The following VSTM4 variants were observed in gnomAD, a reference collection of about 807,000 sequenced individuals.
VSTM4 encodes V-set and transmembrane domain containing 4.
A neutral mutation model predicts 36.4 loss-of-function variants in VSTM4; 20 were observed. That is an observed-to-expected ratio of 0.55 (90% CI 0.39 to 0.80). VSTM4 has a LOEUF of 0.80. Ranked by LOEUF, VSTM4 falls within the 30% of genes least tolerant of loss-of-function variation. The pLI, the probability that VSTM4 is intolerant of heterozygous loss-of-function variation, is 0.00. For synonymous variants in VSTM4, 182 were observed against 173.9 expected (o/e 1.05, Z -0.37); for missense variants, 392 against 404.5 (o/e 0.97, Z 0.26).
rs78462734 is a variant in VSTM4 at position 49,022,473 on chromosome 10, A to C, written c.838-2698T>G. On this transcript the variant is annotated intron_variant, in intron 7 of 7. Transcript: ENST00000332853. ...GGAAGTAATAGACAAGGAGAGTTAC[A>C]AAGAGTTCTTCAAGCCAGCACCTCT... 2.1e-3 allele frequency among the ~76,000 whole-genome samples: 313 copies of C among 152,310 alleles called. 4 individuals are homozygous for C. The highest frequency in any genetic ancestry group is 7.4e-3 in the African/African-American group (306 of 41,572).
chr10:49,105,163 G>T (rs1344517572), intron 2 of VSTM4, among the ~76,000 whole-genome samples: 2 of 135,912 alleles, frequency 1.5e-5, no homozygotes, highest in African/African-American at 2.6e-5. Flanking sequence ...AAGACAAAGA[G>T]AGAGACAGAA....
Position 49,019,688 on chromosome 10 carries a change from C to G in VSTM4, c.925G>C (p.Val309Leu), listed in dbSNP as rs1314778564. ...RAAKGAPTST[V>L]YAQILFEENK... ...TCCTCGAAGAGGATCTGGGCGTAGA[C>G]AGTGCTGGTGGGGGCGCCTTTGGCA... The change falls in exon 8 of 8, where the codon GTC becomes CTC. Residue 309 changes from valine to leucine, a missense_variant. Transcript: ENST00000332853. 6.2e-7 allele frequency: 1 copy of G among 1,613,988 alleles called. No homozygotes were observed. The highest frequency in any genetic ancestry group is 1.7e-5 in the Admixed American group (1 of 60,006).
chr10:49,108,113 G>T (rs1361315119), intron 1 of VSTM4, 118 bp from the exon 2 acceptor site: 3 of 1,368,796 alleles, frequency 2.2e-6, no homozygotes, highest in East Asian at 5.1e-5. Context: ...TGCTCTGCCT[G>T]GCCAGAGAAG....
intron 7 of VSTM4, among the ~76,000 whole-genome samples, chr10:49,031,107 A>G (rs531867223): frequency 3.3e-5 from 5 of 152,342 alleles, no homozygotes; most frequent in South Asian, 2.1e-4. Context: ...TTGGTTATCT[A>G]CTTCAACATA....
At chr10:49,047,753 C>T (rs1843635689) in intron 6 of VSTM4, among the ~76,000 whole-genome samples, 1 of 152,212 alleles carries the variant, frequency 6.6e-6, no homozygotes. Flanking sequence ...GCCTCACCAA[C>T]AGGCTTCCCC....
intron 5 of VSTM4, chr10:49,064,114 T>A (rs1843929300): frequency 6.6e-6 from 1 of 152,256 alleles, no homozygotes; most frequent in Non-Finnish European, 1.5e-5. Flanking sequence ...CCAAACCAGT[T>A]TACCTTCTTT....
At chr10:49,102,545 G>A in intron 2 of VSTM4, 4 of 985,460 alleles carry the variant, frequency 4.1e-6, no homozygotes, top group Non-Finnish European at 4.8e-6. Flanking sequence ...GAAGCTACAA[G>A]ATGTTGCCAG....
intron 1 of VSTM4, 85 bp from the exon 2 acceptor site, chr10:49,108,080 C>A (rs1844823754): frequency 2.1e-6 from 3 of 1,448,230 alleles, no homozygotes; most frequent in South Asian, 2.8e-5. Context: ...CCAGGAAATG[C>A]CTCCACGCAC....
rs1033432600 is a variant in VSTM4, at chr10:49,016,408, C to T, written c.*3242G>A. The T allele has an allele frequency of 9.9e-5, 15 of 152,180 alleles. No individual in the cohort carries two copies. Among genetic ancestry groups the T allele is most frequent in the African/African-American group, 3.6e-4 (15 of 41,432 alleles). 9.4% of individuals were successfully genotyped at this position (152,180 alleles called of 1,614,324 possible). A position where few individuals can be genotyped will look rare whatever the true frequency, so the allele number is the denominator to read the frequency against. On this transcript the variant is annotated 3_prime_UTR_variant, in exon 8 of 8. Coordinates refer to ENST00000332853, the MANE Select transcript of VSTM4 (RefSeq NM_001031746.5). ...GGCAACAGATAGATATGTGCCATTC[C>T]AGCTTCACTGCCCAAGGCAAAGATG...
intron 1 of VSTM4, among the ~76,000 whole-genome samples, chr10:49,114,585 G>GTTTTTT (rs33942311): frequency 6.3e-5 from 9 of 142,404 alleles, no homozygotes; most frequent in African/African-American, 2.3e-4. Context: ...CCAAGTTCAT[G>GTTTTTT]TTTTTTTTTT....
At chr10:49,108,209 C>T (rs1040277493) in intron 1 of VSTM4, among the ~76,000 whole-genome samples, 1 of 152,218 alleles carries the variant, frequency 6.6e-6, no homozygotes, top group African/African-American at 2.4e-5. Context: ...TGGGACCACC[C>T]TGTCCATGTG....
chr10:49,026,334 G>A (rs1843261044), intron 7 of VSTM4, among the ~76,000 whole-genome samples: 1 of 152,144 alleles, frequency 6.6e-6, no homozygotes, highest in Non-Finnish European at 1.5e-5. Flanking sequence ...ACATTCTGTG[G>A]GGCAAGAGTT....
chr10:49,072,371 C>T (rs1224199545), intron 4 of VSTM4, among the ~76,000 whole-genome samples: 1 of 152,172 alleles, frequency 6.6e-6, no homozygotes, highest in Non-Finnish European at 1.5e-5. Flanking sequence ...CAGCTCAGCA[C>T]CACCAATCCT....
chr10:49,026,492 G>T (rs577556227), intron 7 of VSTM4, among the ~76,000 whole-genome samples: 63 of 152,342 alleles, frequency 4.1e-4, no homozygotes, highest in South Asian at 3.5e-3. Context: ...AAACCAATCT[G>T]TTTCAAGATA....
rs917818757 is a variant in VSTM4, at chr10:49,102,856, T to C, written c.457+4738A>G. 1.6e-5 allele frequency: 10 copies of C among 627,942 alleles called. No homozygotes were observed. The African/African-American group carries it at 1.8e-4, about 11-fold the overall frequency. The allele number at this position is 627,942 out of a possible 1,614,324, so 38.9% of individuals were successfully genotyped here. A position where few individuals can be genotyped will look rare whatever the true frequency, so the allele number is the denominator to read the frequency against. ...TGTTATCATCATCATCCTCAAAAAG[T>C]ATATGATTGTGTTAGTCTGGGATCC... On this transcript the variant is annotated intron_variant, in intron 2 of 7. Coordinates refer to ENST00000332853, the MANE Select transcript of VSTM4 (RefSeq NM_001031746.5).
chr10:49,065,955 T>C (rs1843965688), intron 4 of VSTM4, among the ~76,000 whole-genome samples: 1 of 151,988 alleles, frequency 6.6e-6, no homozygotes, highest in Non-Finnish European at 1.5e-5. Flanking sequence ...AATCTATAGA[T>C]GCAACAATAA....
chr10:49,067,250 CA>C (rs1843990134), intron 4 of VSTM4, among the ~76,000 whole-genome samples: 3 of 152,156 alleles, frequency 2.0e-5, no homozygotes, highest in African/African-American at 7.2e-5. Context: ...ACTATGCAAG[CA>C]AAAAAGTTTG....
At chr10:49,097,005 G>A (rs1844584493) in intron 2 of VSTM4, among the ~76,000 whole-genome samples, 4 of 152,030 alleles carry the variant, frequency 2.6e-5, no homozygotes. Context: ...CTCCCTAAGA[G>A]CAGGAGCCTC....
intron 4 of VSTM4, among the ~76,000 whole-genome samples, chr10:49,065,708 G>A (rs1339547935): frequency 6.6e-6 from 1 of 152,164 alleles, no homozygotes; most frequent in Admixed American, 6.5e-5. Flanking sequence ...CTCCAGCTGA[G>A]ACCAGCAGAA....
Sources: gnomAD v4.1 joint callset for allele counts (sites outside exome capture counted in the v4.1 genomes callset) on GRCh38, gnomAD v4.1.1 for gene constraint, MANE v1.5 for transcripts, NCBI Gene and HGNC (gene_info 2026-07-23, HGNC 2026-07-21) for gene names.